Variants in OFD1 observed in about 807,000 individuals in gnomAD.
OFD1 encodes OFD1 centriole and centriolar satellite protein, also known as centriole and centriolar satellite protein OFD1.
OFD1 carries 12 observed loss-of-function variants against 81.4 expected under a neutral mutation model. That is an observed-to-expected ratio of 0.15 (90% CI 0.09 to 0.24). The LOEUF is 0.24. Among genes scored for constraint, OFD1 ranks in the 10% least tolerant of loss-of-function variants. The pLI, the probability that OFD1 is intolerant of heterozygous loss-of-function variation, is 1.00. For missense variants in OFD1, 685 were observed against 733.9 expected (o/e 0.93, Z 0.77); for synonymous variants, 256 against 263.7 (o/e 0.97, Z 0.28).
chrX:13,734,549 A>T, upstream of OFD1: 1 of 383,514 alleles, frequency 2.6e-6, no homozygotes, highest in Non-Finnish European at 3.6e-6. Flanking sequence ...CGACAACGGA[A>T]ACGCAATGTC....
rs775109844 is a variant in OFD1, at chrX:13,736,436, C to G, written c.112-42C>G. On this transcript the variant is annotated intron_variant, in intron 2 of 22. Coordinates refer to ENST00000340096, the MANE Select transcript of OFD1 (RefSeq NM_003611.3). ...GAAACAGTCCTGCTGAAATTTCTTT[C>G]CCTTGTGTTTCTTTTTTATTTTTGT... The G allele has an allele frequency of 2.6e-6, 3 of 1,176,432 alleles. No homozygotes were observed. The Admixed American group carries it at 6.5e-5, about 26-fold the overall frequency.
chrX:13,761,267 C>T, intron 17 of OFD1, 56 bp downstream of exon 17: 1 of 1,139,794 alleles, frequency 8.8e-7, no homozygotes, highest in Admixed American at 2.3e-5. Context: ...CTTGCTCTGT[C>T]AGCCTTCACT....
intron 3 of OFD1, among the ~76,000 whole-genome samples, chrX:13,737,258 T>C (rs1465678820): frequency 8.9e-6 from 1 of 111,904 alleles, no homozygotes; most frequent in East Asian, 2.7e-4. Context: ...ACTTGTTTTT[T>C]TTTTTTACTA....
At chrX:13,767,900 CT>C (rs1287187547) in intron 20 of OFD1, 153 bp from the exon 21 acceptor site, 14 of 499,490 alleles carry the variant, frequency 2.8e-5, no homozygotes, top group Non-Finnish European at 4.3e-5. Context: ...ATTTGTCTTC[CT>C]TTGATGATAG....
upstream of OFD1, among the ~76,000 whole-genome samples, chrX:13,731,155 T>C (rs1326170266): frequency 2.7e-5 from 3 of 112,433 alleles, no homozygotes; most frequent in Non-Finnish European, 5.6e-5. Context: ...ACAAATGTGA[T>C]TGCATAACTG....
At chrX:13,736,268 A>G in intron 2 of OFD1, 1 of 1,023,349 alleles carries the variant, frequency 9.8e-7, no homozygotes, top group Non-Finnish European at 1.2e-6. Flanking sequence ...AGCTTTTTCT[A>G]GAACCCACTG....
In OFD1 at chrX:13,769,249, ATT is replaced by A. The variant is rs1438702198; in HGVS notation, c.*144_*145del. The A allele has an allele frequency of 3.0e-5, 16 of 530,633 alleles. No individual in the cohort carries two copies. The highest frequency in any genetic ancestry group is 2.7e-4 in the East Asian group (8 of 30,001). 43.7% of individuals were successfully genotyped at this position (530,633 alleles called of 1,213,427 possible). ...ATGTGGGTTTTTTTTTCCATAATTAATTTTGATACCATAGTGTGTGAACCAAG... is the reference window on the plus strand; with the variant it reads ...ATGTGGGTTTTTTTTTCCATAATTAATTGATACCATAGTGTGTGAACCAAG... On this transcript the variant is annotated 3_prime_UTR_variant, in exon 23 of 23. Transcript: ENST00000340096.
chrX:13,727,266 A>ACCCCAAAT, the OFD1 span, among the ~76,000 whole-genome samples: 1 of 112,201 alleles, frequency 8.9e-6, no homozygotes, highest in Admixed American at 9.4e-5. Context: ...AGACATCTAC[A>ACCCCAAAT]GAACTCTCCA....
At chrX:13,751,487 C>A (rs2047499149) in intron 10 of OFD1, 119 bp downstream of exon 10, 1 of 548,952 alleles carries the variant, frequency 1.8e-6, no homozygotes, top group South Asian at 3.0e-5. Flanking sequence ...AAAAAAAAAA[C>A]ATAGTTTTAT....
intron 5 of OFD1, among the ~76,000 whole-genome samples, chrX:13,741,184 G>A (rs957457286): frequency 1.8e-5 from 2 of 111,540 alleles, no homozygotes; most frequent in African/African-American, 6.5e-5. Context: ...AATGCATCTG[G>A]TTCAGAAAGA....
At chrX:13,724,770 G>A in the OFD1 span, among the ~76,000 whole-genome samples, 1 of 112,702 alleles carries the variant, frequency 8.9e-6, no homozygotes, top group African/African-American at 3.2e-5. Context: ...TGCAGCCCAT[G>A]GAGGGCGAGC....
chrX:13,768,318 G>A, intron 21 of OFD1, 94 bp downstream of exon 21: 1 of 689,575 alleles, frequency 1.5e-6, no homozygotes, highest in African/African-American at 2.1e-5. Flanking sequence ...CTTCTCCATT[G>A]AAGACAAAAA....
chrX:13,717,972 G>T, the OFD1 span, among the ~76,000 whole-genome samples: 1 of 111,883 alleles, frequency 8.9e-6, no homozygotes, highest in African/African-American at 3.3e-5. Flanking sequence ...TGCACACAGG[G>T]AGAAAAATGC....
chrX:13,754,029 T>C (rs2047604247), intron 11 of OFD1, among the ~76,000 whole-genome samples: 1 of 109,499 alleles, frequency 9.1e-6, no homozygotes, highest in African/African-American at 3.3e-5. Flanking sequence ...TCACCTAGGC[T>C]GGAGTGCAGT....
At chrX:13,773,541 A>T (rs2048343247), downstream of OFD1, 2 of 111,955 alleles carry the variant, frequency 1.8e-5, no homozygotes, top group African/African-American at 6.5e-5. Context: ...CAAAACCAAA[A>T]TTAAGAACTA....
At chrX:13,767,660 TCA>T (rs2048183463) in intron 20 of OFD1, among the ~76,000 whole-genome samples, 1 of 111,885 alleles carries the variant, frequency 8.9e-6, no homozygotes, top group Admixed American at 9.4e-5. Flanking sequence ...GGCTGCCAGT[TCA>T]CAGTTGCTTC....
At chrX:13,766,003 CTGAGGAGACAG>C (rs1301939945) in intron 19 of OFD1, among the ~76,000 whole-genome samples, 1 of 111,799 alleles carries the variant, frequency 8.9e-6, no homozygotes, top group African/African-American at 3.3e-5. Context: ...GTGCTACAGG[CTGAGGAGACAG>C]TGAAGGTGAA....
At chrX:13,735,375 C>T in intron 2 of OFD1, 29 bp downstream of exon 2, 3 of 1,086,689 alleles carry the variant, frequency 2.8e-6, no homozygotes, top group Non-Finnish European at 3.8e-6. Flanking sequence ...TCTGTGTCAG[C>T]TTTTACAAGT....
chrX:13,730,669 A>C (rs1394844155), upstream of OFD1, among the ~76,000 whole-genome samples: 1 of 111,744 alleles, frequency 8.9e-6, no homozygotes, highest in South Asian at 3.7e-4. Context: ...AATGAACCCA[A>C]ATGTCCATCA....
Sources: gnomAD v4.1 joint callset for allele counts (sites outside exome capture counted in the v4.1 genomes callset) on GRCh38, gnomAD v4.1.1 for gene constraint, MANE v1.5 for transcripts, NCBI Gene and HGNC (gene_info 2026-07-23, HGNC 2026-07-21) for gene names.